The following KANK2 variants were observed in gnomAD, a reference collection of about 807,000 sequenced individuals.
KANK2 encodes the protein KN motif and ankyrin repeat domains 2, also known as KN motif and ankyrin repeat domain-containing protein 2.
KANK2 carries 41 observed loss-of-function variants against 74.6 expected under a neutral mutation model. The ratio of observed to expected loss-of-function variants is 0.55; its 90% CI spans 0.43 to 0.71. The LOEUF (loss-of-function observed/expected upper bound fraction) is 0.71. KANK2 is among the 30% of genes least tolerant of loss of function. KANK2 has a pLI of 0.00. For missense variants in KANK2, 1,148 were observed against 1,196.4 expected, an observed-to-expected ratio of 0.96 and a Z score of 0.60; for synonymous variants, 537 against 519.0, an observed-to-expected ratio of 1.03 and a Z score of -0.47.
At chr19:11,179,177 G>A (rs191937191) in intron 4 of KANK2, among the ~76,000 whole-genome samples, 4 of 152,124 alleles carry the variant, frequency 2.6e-5, no homozygotes, top group Admixed American at 6.6e-5. Context: ...TTAGCCGGGC[G>A]TGGTGGTGCA....
At chr19:11,175,836 G>T in intron 8 of KANK2, 66 bp downstream of exon 8, 2 of 1,175,930 alleles carry the variant, frequency 1.7e-6, no homozygotes, top group Non-Finnish European at 2.5e-6. Flanking sequence ...GATGAGGAGA[G>T]GCCACGGGTG....
Position 11,173,057 on chromosome 19 carries a change from G to A in KANK2, c.2135C>T (p.Thr712Ile), listed in dbSNP as rs958133088. 3 of 1,614,142 alleles carry A rather than the reference G, an allele frequency of 1.9e-6. No homozygotes were observed. Among genetic ancestry groups the A allele is most frequent in the Non-Finnish European group, 2.5e-6 (3 of 1,180,004 alleles). Reference protein sequence around the residue: ...YSPIMLTALATLKTQDDIETV... With the variant: ...YSPIMLTALAILKTQDDIETV... ...CTCGATGTCGTCCTGGGTCTTCAGG[G>A]TGGCCAGGGCGGTGAGCATAATAGG... The change falls in exon 10 of 13, where the codon ACC (threonine) becomes ATC (isoleucine). Residue 712 changes from threonine to isoleucine, a missense_variant. Transcript: ENST00000586659.
intron 3 of KANK2, 89 bp from the exon 4 acceptor site, chr19:11,194,131 T>C: frequency 7.0e-7 from 1 of 1,421,316 alleles, no homozygotes; most frequent in Non-Finnish European, 9.4e-7. Context: ...TTGGGGTTTA[T>C]TTGCCGAAGA....
At chr19:11,180,658 A>G (rs1161608799) in intron 4 of KANK2, among the ~76,000 whole-genome samples, 4 of 152,202 alleles carry the variant, frequency 2.6e-5, no homozygotes, top group Admixed American at 2.0e-4. Context: ...AGCAAACGCC[A>G]GTTGCTATGT....
rs2147636960 is a variant in KANK2, at chr19:11,194,456, C to T, written c.37+19G>A. On this transcript the variant is annotated intron_variant, in intron 3 of 12. Coordinates refer to ENST00000586659, the MANE Select transcript of KANK2 (RefSeq NM_001136191.3). ...CTGAAGCTCCCCGGGGCAGGGCCCTCTTCCCTGAGTCCCCTGACCTGGGAA... is the reference window on the plus strand; with the variant it reads ...CTGAAGCTCCCCGGGGCAGGGCCCTTTTCCCTGAGTCCCCTGACCTGGGAA... 6.2e-7 allele frequency: 1 copy of T among 1,607,946 alleles called. No homozygotes were observed. Among genetic ancestry groups the T allele is most frequent in the Non-Finnish European group, 8.5e-7 (1 of 1,176,690 alleles).
At chr19:11,190,891 C>T (rs1388422392) in intron 4 of KANK2, among the ~76,000 whole-genome samples, 2 of 151,716 alleles carry the variant, frequency 1.3e-5, no homozygotes, top group Non-Finnish European at 2.9e-5. Context: ...CCACCACGCC[C>T]GGCTAATTTT....
Position 11,193,479 on chromosome 19 carries a change from G to T in KANK2, c.601C>A (p.Gln201Lys), listed in dbSNP as rs148328896. The T allele has an allele frequency of 2.7e-3, 4,311 of 1,611,392 alleles. 13 individuals carry two copies. Among genetic ancestry groups the T allele is most frequent in the Non-Finnish European group, 3.3e-3 (3,841 of 1,179,926 alleles). Residue 201 changes from glutamine (Q) to lysine (K), a missense_variant, in exon 4 of 13, where the codon CAG (glutamine) becomes AAG (lysine). Coordinates refer to ENST00000586659, the MANE Select transcript of KANK2 (RefSeq NM_001136191.3). This position sits in a 1 kb window ranked among gnomAD's most constrained non-coding sequence, Gnocchi z 9.6. ...ATCAGCTTCACCTGCTCCTCCAGCT[G>T]CCGCAGCTTCCGCAGGGCACCCGCC... ...QMAGALRKLRQLEEQVKLIPV... is the reference protein window; with the variant it reads ...QMAGALRKLRKLEEQVKLIPV...
At position 11,170,357 on chromosome 19, in the gene KANK2, C is replaced by T; in HGVS notation, c.2212-109G>A. On this transcript the variant is annotated intron_variant, in intron 10 of 12. Coordinates refer to ENST00000586659, the MANE Select transcript of KANK2 (RefSeq NM_001136191.3). The surrounding 1 kb of genome is among the most constrained non-coding windows in gnomAD (Gnocchi z 5.2). Reference sequence around the variant, plus strand: ...ACATACTCTGATGGTGAAATGTACCCTCAACTTGCTGATCTCCTCCTGAAT... The same window carrying T: ...ACATACTCTGATGGTGAAATGTACCTTCAACTTGCTGATCTCCTCCTGAAT... 2.5e-6 allele frequency: 2 copies of T among 798,980 alleles called. No homozygotes were observed. The highest frequency in any genetic ancestry group is 3.4e-5 in the South Asian group (2 of 59,202). The allele number at this position is 798,980 out of a possible 1,614,324, so 49.5% of individuals were successfully genotyped here.
intron 1 of KANK2, chr19:11,196,785 G>A (rs1056662200): frequency 2.0e-5 from 3 of 152,364 alleles, no homozygotes; most frequent in African/African-American, 4.8e-5. Context: ...CAGAGATGGA[G>A]AGACTGGAGC....
rs1284248892 is a variant in KANK2 at position 11,170,854 on chromosome 19, G to T, written c.2212-606C>A. 6.6e-6 allele frequency among the ~76,000 whole-genome samples: 1 copy of T among 151,976 alleles called. No individual in the cohort carries two copies. The highest frequency in any genetic ancestry group is 6.6e-5 in the Admixed American group (1 of 15,234). ...TATTTTTTTTTGGAGATGGCGTCTC[G>T]CTCTGTCACCAGGCTGGAGTGCAGT... On this transcript the variant is annotated intron_variant, in intron 10 of 12. Transcript: ENST00000586659. The surrounding 1 kb of genome is among the most constrained non-coding windows in gnomAD (Gnocchi z 5.2).
chr19:11,176,944 T>C (rs984767907), intron 6 of KANK2, 127 bp from the exon 7 acceptor site: 3 of 1,113,024 alleles, frequency 2.7e-6, no homozygotes, highest in South Asian at 2.0e-5. Flanking sequence ...AATGGCAGTA[T>C]TGACATTCCA....
rs1023603165 is a variant in KANK2 at position 11,165,685 on chromosome 19, C to G, written c.*873G>C. On this transcript the variant is annotated 3_prime_UTR_variant, in exon 13 of 13. Coordinates refer to ENST00000586659, the MANE Select transcript of KANK2 (RefSeq NM_001136191.3). Reference sequence around the variant, plus strand: ...CTCCAGGGCTCAGCCTCCCAAGTAGCTGGGACTACAGGCGCGCACCACCAC... The same window carrying G: ...CTCCAGGGCTCAGCCTCCCAAGTAGGTGGGACTACAGGCGCGCACCACCAC... The G allele has an allele frequency of 2.0e-5, 3 of 152,308 alleles. No individual in the cohort carries two copies. The highest frequency in any genetic ancestry group is 4.4e-5 in the Non-Finnish European group (3 of 68,260). The allele number at this position is 152,308 out of a possible 1,614,324, so 9.4% of individuals were successfully genotyped here. A position where few individuals can be genotyped will look rare whatever the true frequency, so the allele number is the denominator to read the frequency against.
At chr19:11,191,621 C>T (rs1301998278) in intron 4 of KANK2, among the ~76,000 whole-genome samples, 1 of 152,244 alleles carries the variant, frequency 6.6e-6, no homozygotes, top group East Asian at 1.9e-4. Context: ...TTTACTGGTG[C>T]TCTTTGGATT....
chr19:11,175,143 G>A (rs1316757084), intron 8 of KANK2, among the ~76,000 whole-genome samples: 3 of 151,734 alleles, frequency 2.0e-5, no homozygotes, highest in Admixed American at 1.3e-4. Context: ...ACAATTTGTA[G>A]AGGCTGAGTG....
intron 4 of KANK2, among the ~76,000 whole-genome samples, chr19:11,187,636 C>G (rs1162122301): frequency 1.3e-5 from 2 of 152,094 alleles, no homozygotes; most frequent in Admixed American, 1.3e-4. Context: ...ATTTCAGGGT[C>G]CTGCAAATAA....
intron 2 of KANK2, 175 bp from the exon 3 acceptor site, chr19:11,194,765 C>A (rs998623570): frequency 6.8e-6 from 3 of 444,118 alleles, no homozygotes; most frequent in Non-Finnish European, 1.3e-5. Flanking sequence ...CCCTCCCCCC[C>A]GCAGGTCTGG....
rs1289458664 is a variant in KANK2, at chr19:11,193,622, G to A, written c.458C>T (p.Ala153Val). The change falls in exon 4 of 13, where the codon GCC becomes GTC. Residue 153 changes from alanine (A) to valine (V), a missense_variant. Ala to Val is a moderately conservative substitution (Grantham distance 64). Transcript: ENST00000586659. The surrounding 1 kb of genome is among the most constrained non-coding windows in gnomAD (Gnocchi z 9.6). Reference protein sequence around the residue: ...TGLGSLTPSAAGSTASLVGVG... With the variant: ...TGLGSLTPSAVGSTASLVGVG... Reference sequence around the variant, plus strand: ...GCCCACCAGGGAGGCTGTCGAGCCGGCCGCACTGGGGGTCAGGGAGCCCAG... The same window carrying A: ...GCCCACCAGGGAGGCTGTCGAGCCGACCGCACTGGGGGTCAGGGAGCCCAG... 1.0e-5 allele frequency: 16 copies of A among 1,588,576 alleles called. No homozygotes were observed. The highest frequency in any genetic ancestry group is 2.7e-5 in the African/African-American group (2 of 74,438).
intron 4 of KANK2, among the ~76,000 whole-genome samples, chr19:11,187,880 G>A (rs11881133): frequency 0.028 from 4,289 of 152,180 alleles, 200 homozygotes; most frequent in African/African-American, 0.098. Flanking sequence ...TTCAGTCCCC[G>A]AGTTCGAAAC....
At chr19:11,189,603 C>CAAAAAAAAAAAA (rs56203270) in intron 4 of KANK2, among the ~76,000 whole-genome samples, 1 of 43,128 alleles carries the variant, frequency 2.3e-5, no homozygotes, top group Non-Finnish European at 3.9e-5. Flanking sequence ...GACTCTGTCT[C>CAAAAAAAAAAAA]AAAAAAAAAA....
Sources: allele counts gnomAD v4.1 joint callset (sites outside exome capture counted in the v4.1 genomes callset), GRCh38; gene constraint gnomAD v4.1.1; non-coding constraint Gnocchi (gnomAD v3.1); transcripts MANE v1.5; gene names NCBI Gene and HGNC (gene_info 2026-07-23, HGNC 2026-07-21).